The following CLEC3A variants were observed in gnomAD, a reference collection of about 807,000 sequenced individuals.
The protein encoded by CLEC3A is C-type (calcium dependent, carbohydrate-recognition domain) lectin, superfamily member 1 (cartilage-derived).
CLEC3A carries 28 observed loss-of-function variants against 20.4 expected under a neutral mutation model. That is an observed-to-expected ratio of 1.37 (90% CI 1.02 to 1.88). The LOEUF (loss-of-function observed/expected upper bound fraction) is 1.88. Among genes scored for constraint, CLEC3A ranks in the 40% most tolerant of loss-of-function variants. The probability of loss-of-function intolerance (pLI) is 0.00; values close to 1 mark genes in which losing one functional copy is unlikely to be tolerated. For missense variants in CLEC3A, 357 were observed against 240.4 expected (o/e 1.48, Z -3.21); for synonymous variants, 110 against 88.1 (o/e 1.25, Z -1.39).
At position 78,027,894 on chromosome 16, in the gene CLEC3A, G is replaced by A. The variant is rs145840679; in HGVS notation, c.116-213G>A. On this transcript the variant is annotated intron_variant, in intron 1 of 2. Transcript: ENST00000299642. Reference sequence around the variant, plus strand: ...TGGTCTCGAACTCCTGGCCTCAAGTGGTCCACCCGCCTTGGCCTCCCCAAG... The same window carrying A: ...TGGTCTCGAACTCCTGGCCTCAAGTAGTCCACCCGCCTTGGCCTCCCCAAG... 2.6e-3 allele frequency among the ~76,000 whole-genome samples: 392 copies of A among 152,296 alleles called. 3 individuals are homozygous for A. The Middle Eastern group carries it at 0.031, about 12-fold the overall frequency.
intron 1 of CLEC3A, among the ~76,000 whole-genome samples, chr16:78,025,290 G>A (rs760601909): frequency 4.6e-5 from 7 of 152,028 alleles, no homozygotes; most frequent in Non-Finnish European, 1.0e-4. Context: ...TGTTTGGATG[G>A]GTCATCACTT....
intron 1 of CLEC3A, among the ~76,000 whole-genome samples, chr16:78,024,451 C>G (rs542817519): frequency 1.1e-4 from 17 of 152,082 alleles, no homozygotes; most frequent in African/African-American, 1.7e-4. Context: ...TTCTTTACCC[C>G]CTTCTTCCCC....
At chr16:78,023,963 T>C (rs1041991767) in intron 1 of CLEC3A, among the ~76,000 whole-genome samples, 2 of 152,048 alleles carry the variant, frequency 1.3e-5, no homozygotes, top group African/African-American at 4.8e-5. Flanking sequence ...TTCGCCGTGT[T>C]AGCCAGGATG....
At chr16:78,022,900 T>C (rs549066594) in intron 1 of CLEC3A, among the ~76,000 whole-genome samples, 159 bp downstream of exon 1, 31 of 152,244 alleles carry the variant, frequency 2.0e-4, no homozygotes, top group African/African-American at 7.0e-4. Flanking sequence ...GAACTTGTAA[T>C]GCTCTGGGAT....
rs758401775 is a variant in CLEC3A, at chr16:78,030,753, T to G, written c.506T>G (p.Leu169Arg). 3.0e-5 allele frequency: 49 copies of G among 1,614,058 alleles called. No individual in the cohort carries two copies. The South Asian group carries it at 5.3e-4, about 17-fold the overall frequency. The change falls in exon 3 of 3, where the codon CTG (leucine) becomes CGG (arginine). Residue 169 changes from leucine to arginine, a missense_variant. Leu to Arg is a moderately radical substitution (Grantham distance 102, BLOSUM62 -2). Transcript: ENST00000299642. ...GGTGGCAAGCGAGAAAACTGTGTCCTGTTCTCCCAATCAGCTCAGGGCAAG... is the reference window on the plus strand; with the variant it reads ...GGTGGCAAGCGAGAAAACTGTGTCCGGTTCTCCCAATCAGCTCAGGGCAAG... Reference protein sequence around the residue: ...PNGGKRENCVLFSQSAQGKWS... With the variant: ...PNGGKRENCVRFSQSAQGKWS...
chr16:78,028,342 A>G, intron 2 of CLEC3A, 152 bp downstream of exon 2: 2 of 573,768 alleles, frequency 3.5e-6, no homozygotes, highest in Non-Finnish European at 6.0e-6. Flanking sequence ...TTGTTTTAGG[A>G]AATCAGCTTC....
At chr16:78,027,250 C>G (rs964856233) in intron 1 of CLEC3A, among the ~76,000 whole-genome samples, 2 of 151,952 alleles carry the variant, frequency 1.3e-5, no homozygotes, top group African/African-American at 4.8e-5. Flanking sequence ...ACAGAATACT[C>G]TATAAAATAT....
rs1334835651 is a variant in CLEC3A at position 78,024,983 on chromosome 16, T to C, written c.115+2242T>C. On this transcript the variant is annotated intron_variant, in intron 1 of 2. Transcript: ENST00000299642. The stretch of plus-strand genomic sequence containing the variant: ...CTGGGACTACAGGTGCTCGCCACCA[T>C]GCCCAGCTGATATTTGTACATACAT... Among the ~76,000 whole-genome samples the C allele has an allele frequency of 7.9e-5, 12 of 152,120 alleles. No individual in the cohort carries two copies. In the East Asian group the frequency reaches 2.1e-3, roughly 27 times the overall value.
chr16:78,027,902 C>T (rs185542014), intron 1 of CLEC3A, among the ~76,000 whole-genome samples: 7 of 152,334 alleles, frequency 4.6e-5, no homozygotes, highest in Admixed American at 2.0e-4. Flanking sequence ...GTGGTCCACC[C>T]GCCTTGGCCT....
chr16:78,024,332 G>A (rs1166476512), intron 1 of CLEC3A, among the ~76,000 whole-genome samples: 1 of 152,096 alleles, frequency 6.6e-6, no homozygotes, highest in Non-Finnish European at 1.5e-5. Context: ...TGTGGGTGCT[G>A]TGTGGGTGTT....
intron 1 of CLEC3A, among the ~76,000 whole-genome samples, chr16:78,024,396 C>G (rs776474576): frequency 5.9e-5 from 9 of 152,098 alleles, no homozygotes; most frequent in Non-Finnish European, 1.2e-4. Flanking sequence ...GCCTCCCTCC[C>G]CTTCCTCCTC....
At chr16:78,027,229 AAAG>A (rs1388917127) in intron 1 of CLEC3A, among the ~76,000 whole-genome samples, 3 of 152,376 alleles carry the variant, frequency 2.0e-5, no homozygotes, top group African/African-American at 7.2e-5. Flanking sequence ...AAAATAGAGA[AAAG>A]AAAATATACA....
At chr16:78,024,318 T>C (rs1312716109) in intron 1 of CLEC3A, among the ~76,000 whole-genome samples, 1 of 152,100 alleles carries the variant, frequency 6.6e-6, no homozygotes, top group African/African-American at 2.4e-5. Context: ...TGACTGAGTG[T>C]GCATGTGGGT....
chr16:78,023,978 C>T (rs1199451425), intron 1 of CLEC3A, among the ~76,000 whole-genome samples: 4 of 151,962 alleles, frequency 2.6e-5, no homozygotes, highest in South Asian at 2.1e-4. Flanking sequence ...AGGATGGTCT[C>T]GATCTCCTGA....
At chr16:78,029,611 A>G (rs12931002) in intron 2 of CLEC3A, among the ~76,000 whole-genome samples, 38,082 of 151,550 alleles carry the variant, frequency 0.25, 6,041 homozygotes, top group Non-Finnish European at 0.34. Context: ...CTTGTGATCC[A>G]CCCGCTTCTG....
intron 2 of CLEC3A, chr16:78,029,031 C>A: frequency 2.3e-6 from 1 of 435,962 alleles, no homozygotes. Context: ...TTTGGTTCAT[C>A]CTTTACCCAC....
Position 78,031,512 on chromosome 16 carries a change from T to G in CLEC3A, c.*671T>G, listed in dbSNP as rs1472608483. The G allele has an allele frequency of 6.6e-6, 1 of 152,170 alleles. No individual in the cohort carries two copies. Among genetic ancestry groups the G allele is most frequent in the African/African-American group, 2.4e-5 (1 of 41,452 alleles). 9.4% of individuals were successfully genotyped at this position (152,170 alleles called of 1,614,324 possible). ...TGAAATGAAATGACAAGGTGTATAT[T>G]TGATCAATTTTCATTCCCACCATTG... On this transcript the variant is annotated 3_prime_UTR_variant, in exon 3 of 3. Transcript: ENST00000299642.
rs755347044 is a variant in CLEC3A at position 78,030,975 on chromosome 16, T to A, written c.*134T>A. ...AAGATCAATGTCCATAGCAATATGA[T>A]AGCATCAGCCAATTTTGCTAACACA... is the stretch of plus-strand genomic sequence containing the variant. On this transcript the variant is annotated 3_prime_UTR_variant, in exon 3 of 3. Coordinates refer to ENST00000299642, the MANE Select transcript of CLEC3A (RefSeq NM_005752.6). 1 of 982,690 alleles carries A rather than the reference T, an allele frequency of 1.0e-6. No homozygotes were observed. Among genetic ancestry groups the A allele is most frequent in the Non-Finnish European group, 1.5e-6 (1 of 688,344 alleles). 60.9% of individuals were successfully genotyped at this position (982,690 alleles called of 1,614,324 possible).
rs138656802 is a variant in CLEC3A, at chr16:78,030,395, T to G, written c.200-52T>G. 730 of 1,503,926 alleles carry G rather than the reference T, an allele frequency of 4.9e-4. 4 individuals carry two copies. The African/African-American group carries it at 9.2e-3, about 19-fold the overall frequency. The allele number at this position is 1,503,926 out of a possible 1,614,324, so 93.2% of individuals were successfully genotyped here. ...TGCTATTTGCCAGGTCCAGCCCTAG[T>G]CATAATACACTCAAAATGCATCTTA... is the stretch of plus-strand genomic sequence containing the variant. On this transcript the variant is annotated intron_variant, in intron 2 of 2. Coordinates refer to ENST00000299642, the MANE Select transcript of CLEC3A (RefSeq NM_005752.6).
Sources: allele counts gnomAD v4.1 joint callset (sites outside exome capture counted in the v4.1 genomes callset), GRCh38; gene constraint gnomAD v4.1.1; transcripts MANE v1.5; gene names NCBI Gene and HGNC (gene_info 2026-07-23, HGNC 2026-07-21).